The following CSNK1E variants were observed in gnomAD, a reference collection of about 807,000 sequenced individuals.
The protein encoded by CSNK1E is casein kinase I isoform epsilon.
CSNK1E carries 17 observed loss-of-function variants against 46.1 expected under a neutral mutation model. The observed-to-expected ratio is 0.37, with a 90% confidence interval of 0.25 to 0.55. CSNK1E has a LOEUF of 0.55. Ranked by LOEUF, CSNK1E falls within the 20% of genes least tolerant of loss-of-function variation. CSNK1E has a pLI of 0.82. For synonymous variants in CSNK1E, 241 were observed against 242.6 expected (o/e 0.99, Z 0.06); for missense variants, 386 against 595.4 (o/e 0.65, Z 3.66).
chr22:38,294,130 G>C lies in CSNK1E; in HGVS notation c.1197C>G (p.Val399=). The part of the protein sequence containing the change: ...SSSDLTGRQE[V]SRIPASQTSV... The stretch of plus-strand genomic sequence containing the variant: ...TCACCTGTGAGGCTGGGATCCGGGA[G>C]ACCTCTTGCCGCCCAGTGAGGTCTG... The change falls in exon 9 of 11, where the codon GTC becomes GTG. Residue 399 remains valine (V), a synonymous_variant. Transcript: ENST00000396832. The surrounding 1 kb of genome is among the most constrained non-coding windows in gnomAD (Gnocchi z 5.5). The C allele has an allele frequency of 6.2e-7, 1 of 1,610,828 alleles. No individual in the cohort carries two copies. The highest frequency in any genetic ancestry group is 1.3e-5 in the African/African-American group (1 of 75,052).
At chr22:38,295,330 G>T in intron 7 of CSNK1E, 1 of 692,540 alleles carries the variant, frequency 1.4e-6, no homozygotes, top group Non-Finnish European at 1.8e-6. Context: ...TGGTGCAGGA[G>T]GAAGTGAGAA....
intron 2 of CSNK1E, among the ~76,000 whole-genome samples, chr22:38,304,994 C>G (rs1392849027): frequency 6.6e-6 from 1 of 151,900 alleles, no homozygotes; most frequent in East Asian, 1.9e-4. Context: ...CAGTGGCAGG[C>G]ATCTGTAATC....
At position 38,298,749 on chromosome 22, in the gene CSNK1E, A is replaced by C. The variant is rs561919859; in HGVS notation, c.885+37T>G. Reference sequence around the variant, plus strand: ...CTCTGAGTCAGGGCCTTCCCCATCCAGTCCCCCAAGCCCGCCTTGGCCTCC... The same window carrying C: ...CTCTGAGTCAGGGCCTTCCCCATCCCGTCCCCCAAGCCCGCCTTGGCCTCC... On this transcript the variant is annotated intron_variant, in intron 7 of 10. Coordinates refer to ENST00000396832, the MANE Select transcript of CSNK1E (RefSeq NM_152221.3). This position sits in a 1 kb window ranked among gnomAD's most constrained non-coding sequence, Gnocchi z 4.2. 6.2e-7 allele frequency: 1 copy of C among 1,612,336 alleles called. No individual in the cohort carries two copies. The highest frequency in any genetic ancestry group is 1.3e-5 in the African/African-American group (1 of 74,996).
At chr22:38,296,809 A>G in intron 7 of CSNK1E, 1 of 1,267,040 alleles carries the variant, frequency 7.9e-7, no homozygotes, top group Non-Finnish European at 1.1e-6. Flanking sequence ...GCCTTGCCGG[A>G]TGTGGTGGCC....
chr22:38,296,293 T>A (rs936275683), intron 7 of CSNK1E: 87 of 1,302,856 alleles, frequency 6.7e-5, no homozygotes, highest in Non-Finnish European at 8.5e-5. Flanking sequence ...TGGACCTCTG[T>A]CCTTGGCTGT....
rs1027941531 is a variant in CSNK1E at position 38,293,283 on chromosome 22, C to T, written c.*4G>A. ...AGCAAACACTGGTCCAATGGGGGCTCTCCTCACTTCCCGAGATGGTCAAAT... is the reference window on the plus strand; with the variant it reads ...AGCAAACACTGGTCCAATGGGGGCTTTCCTCACTTCCCGAGATGGTCAAAT... On this transcript the variant is annotated 3_prime_UTR_variant, in exon 10 of 11. Coordinates refer to ENST00000396832, the MANE Select transcript of CSNK1E (RefSeq NM_152221.3). The T allele has an allele frequency of 1.2e-6, 2 of 1,613,020 alleles. No individual in the cohort carries two copies. The highest frequency in any genetic ancestry group is 1.7e-6 in the Non-Finnish European group (2 of 1,179,716).
intron 2 of CSNK1E, among the ~76,000 whole-genome samples, chr22:38,305,917 TC>T (rs2092696647): frequency 6.6e-6 from 1 of 152,104 alleles, no homozygotes. Flanking sequence ...TTACCTGACA[TC>T]CTAGCACGGT....
At chr22:38,296,288 C>T in intron 7 of CSNK1E, 2 of 1,268,434 alleles carry the variant, frequency 1.6e-6, no homozygotes, top group South Asian at 4.6e-5. Context: ...TCATATGGAC[C>T]TCTGTCCTTG....
In CSNK1E at chr22:38,298,085, G is replaced by T. The variant is rs930963164; in HGVS notation, c.885+701C>A. ...ATTTTGGAAAAGCCAGACCTCAGAG[G>T]ATCCTTACCAGTACGTGGGTGAGTA... On this transcript the variant is annotated intron_variant, in intron 7 of 10. Coordinates refer to ENST00000396832, the MANE Select transcript of CSNK1E (RefSeq NM_152221.3). The surrounding 1 kb of genome is among the most constrained non-coding windows in gnomAD (Gnocchi z 4.2). The T allele has an allele frequency of 4.8e-5, 57 of 1,197,320 alleles. No individual in the cohort carries two copies. Among genetic ancestry groups the T allele is most frequent in the Non-Finnish European group, 5.9e-5 (55 of 935,166 alleles). 74.2% of individuals were successfully genotyped at this position (1,197,320 alleles called of 1,614,324 possible). A position where few individuals can be genotyped will look rare whatever the true frequency, so the allele number is the denominator to read the frequency against.
At chr22:38,314,252 C>T in intron 1 of CSNK1E, 83 bp from the exon 2 acceptor site, 2 of 1,079,744 alleles carry the variant, frequency 1.9e-6, no homozygotes, top group South Asian at 1.3e-5. Context: ...GGCAGAGCCA[C>T]CAGGAACTCG....
At position 38,298,347 on chromosome 22, in the gene CSNK1E, A is replaced by G. The variant is rs2092652239; in HGVS notation, c.885+439T>C. 2 of 537,808 alleles carry G rather than the reference A, an allele frequency of 3.7e-6. No individual in the cohort carries two copies. The highest frequency in any genetic ancestry group is 3.6e-5 in the Admixed American group (1 of 28,028). The allele number at this position is 537,808 out of a possible 1,614,324, so 33.3% of individuals were successfully genotyped here. Reference sequence around the variant, plus strand: ...ACAGAACAACTGCCTAGCCAGACCCAGGGGCCCATGACCAAGAAGAAAGCA... The same window carrying G: ...ACAGAACAACTGCCTAGCCAGACCCGGGGGCCCATGACCAAGAAGAAAGCA... On this transcript the variant is annotated intron_variant, in intron 7 of 10. Transcript: ENST00000396832. The surrounding 1 kb of genome is among the most constrained non-coding windows in gnomAD (Gnocchi z 4.2).
chr22:38,297,919 A>C, intron 7 of CSNK1E: 6 of 1,108,684 alleles, frequency 5.4e-6, no homozygotes, highest in Non-Finnish European at 6.7e-6. Context: ...ACCACAGGCC[A>C]GTAGTTTTGG....
In CSNK1E at chr22:38,291,183, A is replaced by G. The variant is rs1250622414; in HGVS notation, c.*788T>C. 6.6e-6 allele frequency: 1 copy of G among 152,102 alleles called. No individual in the cohort carries two copies. The highest frequency in any genetic ancestry group is 1.5e-5 in the Non-Finnish European group (1 of 68,028). The allele number at this position is 152,102 out of a possible 1,614,324, so 9.4% of individuals were successfully genotyped here. On this transcript the variant is annotated 3_prime_UTR_variant, in exon 11 of 11. Transcript: ENST00000396832. The stretch of plus-strand genomic sequence containing the variant: ...CCGGCTGATGACGGGCTAGGGGGGG[A>G]CCGGTGGCAGCGAGGACCCTCTGAG...
chr22:38,294,426 G>T lies in CSNK1E; in HGVS notation c.994C>A (p.Pro332Thr). ...CGGTTGGCAGTGGCCCCCGTGGGTGGGCCAGGGGGCAGGGCTCGGGTCGCG... is the reference window on the plus strand; with the variant it reads ...CGGTTGGCAGTGGCCCCCGTGGGTGTGCCAGGGGGCAGGGCTCGGGTCGCG... ...GSATRALPPG[P>T]PTGATANRLR... is the part of the protein sequence containing the mutation. The change falls in exon 8 of 11, where the codon CCA (proline) becomes ACA (threonine). Residue 332 changes from proline (P) to threonine (T), a missense_variant. Physicochemically the swap from Pro to Thr is conservative, Grantham distance 38. Coordinates refer to ENST00000396832, the MANE Select transcript of CSNK1E (RefSeq NM_152221.3). The surrounding 1 kb of genome is among the most constrained non-coding windows in gnomAD (Gnocchi z 5.5). The T allele has an allele frequency of 6.4e-7, 1 of 1,563,858 alleles. No homozygotes were observed. Among genetic ancestry groups the T allele is most frequent in the Admixed American group, 1.9e-5 (1 of 53,276 alleles).
intron 2 of CSNK1E, among the ~76,000 whole-genome samples, chr22:38,308,071 G>A (rs1040036061): frequency 1.7e-4 from 26 of 152,016 alleles, no homozygotes; most frequent in Admixed American, 1.4e-3. Context: ...TCCATCCCCT[G>A]CCCCCCAACT....
intron 1 of CSNK1E, among the ~76,000 whole-genome samples, chr22:38,315,525 G>A (rs969386606): frequency 2.0e-5 from 3 of 152,092 alleles, no homozygotes; most frequent in African/African-American, 7.2e-5. Flanking sequence ...ACGTTTGCAG[G>A]AAACCCACAC....
chr22:38,314,195 G>A (rs370688398), intron 1 of CSNK1E, 26 bp from the exon 2 acceptor site: 1 of 1,597,388 alleles, frequency 6.3e-7, no homozygotes, highest in Non-Finnish European at 8.6e-7. Context: ...GAACATGAGG[G>A]TCAGCGACGT....
chr22:38,297,190 T>G, intron 7 of CSNK1E: 1 of 775,612 alleles, frequency 1.3e-6, no homozygotes, highest in East Asian at 2.4e-5. Flanking sequence ...GCAGTTGTGC[T>G]GAGCTGGAGG....
Position 38,294,229 on chromosome 22 carries a change from C to T in CSNK1E, c.1098G>A (p.Ala366=), listed in dbSNP as rs771634827. 18 of 1,612,430 alleles carry T rather than the reference C, an allele frequency of 1.1e-5. No homozygotes were observed. The highest frequency in any genetic ancestry group is 9.9e-5 in the South Asian group (9 of 91,060). ...IQPAGNTSPR[A]ISRVDRERKV... is the part of the protein sequence containing the mutation. ...TCCTCTCCCGGTCGACCCGCGAGAT[C>T]GCTCTGGGAGAAGTATTGCCTGGAG... Residue 366 remains alanine, a synonymous_variant, in exon 9 of 11, where the codon GCG becomes GCA. Coordinates refer to ENST00000396832, the MANE Select transcript of CSNK1E (RefSeq NM_152221.3). This position sits in a 1 kb window ranked among gnomAD's most constrained non-coding sequence, Gnocchi z 5.5.
Sources: gnomAD v4.1 joint callset for allele counts (sites outside exome capture counted in the v4.1 genomes callset) on GRCh38, gnomAD v4.1.1 for gene constraint, Gnocchi (gnomAD v3.1) non-coding constraint, MANE v1.5 for transcripts, NCBI Gene and HGNC (gene_info 2026-07-23, HGNC 2026-07-21) for gene names.